The following ARRB1 variants were observed in gnomAD, a reference collection of about 807,000 sequenced individuals.
ARRB1 encodes arrestin beta 1.
A neutral mutation model predicts 56.8 loss-of-function variants in ARRB1; 21 were observed. The observed-to-expected ratio is 0.37, with a 90% CI of 0.26 to 0.53. The LOEUF (loss-of-function observed/expected upper bound fraction) is 0.53, where lower values mean the gene tolerates loss of function less well. ARRB1 is among the 20% of genes least tolerant of loss of function. ARRB1 has a pLI of 0.88. For missense variants in ARRB1, 424 were observed against 553.7 expected (o/e 0.77, Z 2.35); for synonymous variants, 210 against 218.6 (o/e 0.96, Z 0.35).
chr11:75,334,054 G>A (rs1182142723), intron 1 of ARRB1, among the ~76,000 whole-genome samples: 5 of 152,074 alleles, frequency 3.3e-5, no homozygotes, highest in South Asian at 2.1e-4. Context: ...ATCCCAGGCC[G>A]GGCGCGGTGG....
intron 1 of ARRB1, among the ~76,000 whole-genome samples, chr11:75,335,894 C>A (rs1947595839): frequency 6.6e-6 from 1 of 152,230 alleles, no homozygotes; most frequent in South Asian, 2.1e-4. Flanking sequence ...CTTTATTGTC[C>A]CCCTTTTATA....
At chr11:75,283,032 C>T (rs548243248) in intron 5 of ARRB1, among the ~76,000 whole-genome samples, 8 of 152,284 alleles carry the variant, frequency 5.3e-5, no homozygotes, top group South Asian at 2.1e-4. Flanking sequence ...CCTTAGCACC[C>T]CCTTTCTCCC....
At chr11:75,308,241 C>T (rs994229617) in intron 1 of ARRB1, among the ~76,000 whole-genome samples, 2 of 152,214 alleles carry the variant, frequency 1.3e-5, no homozygotes, top group Admixed American at 1.3e-4. Context: ...ACCAGAGGCC[C>T]CAGGGGCCAT....
intron 1 of ARRB1, among the ~76,000 whole-genome samples, chr11:75,293,719 C>T (rs1028578992): frequency 1.3e-5 from 2 of 152,158 alleles, no homozygotes; most frequent in Middle Eastern, 3.2e-3. Context: ...CCAACCCCAC[C>T]GCCCAGGGTA....
chr11:75,274,006 C>A (rs1946135700), intron 11 of ARRB1, 68 bp downstream of exon 11: 2 of 1,606,236 alleles, frequency 1.2e-6, no homozygotes, highest in South Asian at 1.1e-5. Context: ...ACTGGGGGGA[C>A]CAAGGAGGGT....
intron 1 of ARRB1, among the ~76,000 whole-genome samples, chr11:75,300,219 AAAAG>A (rs1196245058): frequency 1.4e-5 from 2 of 140,188 alleles, no homozygotes; most frequent in African/African-American, 5.7e-5. Flanking sequence ...AAAAAAAAAA[AAAAG>A]AAAGAAAGAA....
At chr11:75,336,680 G>C (rs1249632215) in intron 1 of ARRB1, among the ~76,000 whole-genome samples, 3 of 152,134 alleles carry the variant, frequency 2.0e-5, no homozygotes, top group Non-Finnish European at 4.4e-5. Context: ...TGGTCCCTGG[G>C]CTGGGTGCCA....
chr11:75,268,510 CAAAAAAAAAAAAAAAAAA>C (rs61409833), intron 14 of ARRB1, among the ~76,000 whole-genome samples: 6,825 of 61,600 alleles, frequency 0.11, 277 homozygotes, highest in African/African-American at 0.17. Flanking sequence ...GTCTCAAAAC[CAAAAAAAAAAAAAAAAAA>C]AAAAAAAAGA....
chr11:75,294,698 T>C (rs1264066564), intron 1 of ARRB1, among the ~76,000 whole-genome samples: 1 of 152,160 alleles, frequency 6.6e-6, no homozygotes, highest in African/African-American at 2.4e-5. Flanking sequence ...GACATTACTA[T>C]ATTCACCAAA....
At chr11:75,269,936 G>A (rs1175249391) in intron 13 of ARRB1, among the ~76,000 whole-genome samples, 1 of 152,210 alleles carries the variant, frequency 6.6e-6, no homozygotes, top group Admixed American at 6.5e-5. Context: ...CCAACTGCGA[G>A]TGCCTACAGG....
chr11:75,306,518 G>T, intron 1 of ARRB1: 1 of 1,081,436 alleles, frequency 9.2e-7, no homozygotes, highest in Non-Finnish European at 1.3e-6. Context: ...GAGAGGAAAA[G>T]CAAACTTCCT....
chr11:75,277,399 T>G lies in ARRB1; in HGVS notation c.668A>C (p.Asn223Thr), dbSNP rs1475665331. ...PISVNVHVTN[N>T]TNKTVKKIKI... is the part of the protein sequence containing the mutation. ...GATCTTCTTCACCGTCTTGTTGGTG[T>G]TGTTGGTGACGTGGACGTTGACGCT... The change falls in exon 9 of 16, where the codon AAC (asparagine) becomes ACC (threonine). Residue 223 changes from asparagine (N) to threonine (T), a missense_variant. Asn to Thr is a moderately conservative substitution (Grantham distance 65). Coordinates refer to ENST00000420843, the MANE Select transcript of ARRB1 (RefSeq NM_004041.5). 2.5e-6 allele frequency: 4 copies of G among 1,614,180 alleles called. No individual in the cohort carries two copies. Among genetic ancestry groups the G allele is most frequent in the South Asian group, 1.1e-5 (1 of 91,088 alleles).
intron 14 of ARRB1, 93 bp downstream of exon 14, chr11:75,268,796 G>A: frequency 2.2e-6 from 3 of 1,389,520 alleles, no homozygotes; most frequent in South Asian, 2.5e-5. Flanking sequence ...AAGGGTGACT[G>A]GGCTGAGGGC....
In ARRB1 at chr11:75,264,688, A is replaced by C. The variant is rs375493738; in HGVS notation, c.*1475T>G. 1 of 152,076 alleles carries C rather than the reference A, an allele frequency of 6.6e-6. No individual in the cohort carries two copies. The highest frequency in any genetic ancestry group is 1.5e-5 in the Non-Finnish European group (1 of 68,014). 9.4% of individuals were successfully genotyped at this position (152,076 alleles called of 1,614,324 possible). On this transcript the variant is annotated 3_prime_UTR_variant, in exon 16 of 16. Coordinates refer to ENST00000420843, the MANE Select transcript of ARRB1 (RefSeq NM_004041.5). The stretch of plus-strand genomic sequence containing the variant: ...CTCTGGCTCTACCCACCAGACCAGG[A>C]GCTCTAATGTTCACAAATTCTTGGT...
At chr11:75,314,887 G>A (rs1010272107) in intron 1 of ARRB1, among the ~76,000 whole-genome samples, 5 of 152,154 alleles carry the variant, frequency 3.3e-5, no homozygotes, top group Non-Finnish European at 5.9e-5. Flanking sequence ...GATTACAGGC[G>A]TGAGCCACCA....
At chr11:75,286,354 G>A (rs1175377079) in intron 3 of ARRB1, among the ~76,000 whole-genome samples, 1 of 130,262 alleles carries the variant, frequency 7.7e-6, no homozygotes, top group Non-Finnish European at 1.6e-5. Context: ...CTGCAACTCT[G>A]CCTCCTGGGT....
At chr11:75,340,543 G>A (rs1412170468) in intron 1 of ARRB1, among the ~76,000 whole-genome samples, 2 of 152,352 alleles carry the variant, frequency 1.3e-5, no homozygotes, top group South Asian at 2.1e-4. Flanking sequence ...CCAGCACTAC[G>A]AGGAGAGGCT....
At position 75,267,691 on chromosome 11, in the gene ARRB1, T is replaced by C. The variant is rs1183508981; in HGVS notation, c.1106A>G (p.Glu369Gly). 1 of 1,514,646 alleles carries C rather than the reference T, an allele frequency of 6.6e-7. No individual in the cohort carries two copies. Among genetic ancestry groups the C allele is most frequent in the Non-Finnish European group, 8.9e-7 (1 of 1,119,172 alleles). The allele number at this position is 1,514,646 out of a possible 1,614,324, so 93.8% of individuals were successfully genotyped here. ...EPPHREVPEN[E>G]TPVDTNLIEL... ...TATGAGATTGGTATCTACTGGCGTCTCGTTCTCTGGAACTAAACACAGGGT... is the reference window on the plus strand; with the variant it reads ...TATGAGATTGGTATCTACTGGCGTCCCGTTCTCTGGAACTAAACACAGGGT... The change falls in exon 15 of 16, where the codon GAG becomes GGG. Residue 369 changes from glutamate to glycine, a missense_variant. By Grantham distance (98) the Glu-to-Gly change is moderately conservative (BLOSUM62 -2). This residue lies in a region of ARRB1 where 121 missense variants were observed against 147.3 expected (regional missense o/e 0.82). Coordinates refer to ENST00000420843, the MANE Select transcript of ARRB1 (RefSeq NM_004041.5).
At chr11:75,266,998 G>T (rs755613240) in intron 15 of ARRB1, among the ~76,000 whole-genome samples, 1 of 152,198 alleles carries the variant, frequency 6.6e-6, no homozygotes, top group African/African-American at 2.4e-5. Flanking sequence ...TTAGGACCAT[G>T]CAGGTGTCCA....
Sources: gnomAD v4.1 joint callset for allele counts (sites outside exome capture counted in the v4.1 genomes callset) on GRCh38, gnomAD v4.1.1 for gene constraint, gnomAD v4.1.1 regional missense constraint, MANE v1.5 for transcripts, NCBI Gene and HGNC (gene_info 2026-07-23, HGNC 2026-07-21) for gene names.